CDR2: variants seen among roughly 807,000 people sequenced by gnomAD.
The protein encoded by CDR2 is cerebellar degeneration related protein 2.
In CDR2, 34 loss-of-function variants were observed where a neutral mutation model predicts 48.4. The ratio of observed to expected loss-of-function variants is 0.70; its 90% CI spans 0.53 to 0.94. The LOEUF is 0.94. CDR2 is among the 40% of genes least tolerant of loss of function. CDR2 has a pLI of 0.00. For missense variants in CDR2, 498 were observed against 549.5 expected, an observed-to-expected ratio of 0.91 and a Z score of 0.94; for synonymous variants, 240 against 219.7, an observed-to-expected ratio of 1.09 and a Z score of -0.82.
intron 1 of CDR2, among the ~76,000 whole-genome samples, chr16:22,368,501 G>A (rs1275952725): frequency 6.6e-6 from 1 of 152,170 alleles, no homozygotes; most frequent in Non-Finnish European, 1.5e-5. Context: ...ATGAGCCACT[G>A]CCCCCAGCCT....
chr16:22,373,846 C>T (rs2049096193), intron 1 of CDR2, among the ~76,000 whole-genome samples: 1 of 152,250 alleles, frequency 6.6e-6, no homozygotes, highest in African/African-American at 2.4e-5. Flanking sequence ...AGGCGCTGGG[C>T]TAGACAGCCT....
chr16:22,374,383 G>C lies in CDR2; in HGVS notation c.-74C>G. On this transcript the variant is annotated 5_prime_UTR_variant, in exon 1 of 5. Coordinates refer to ENST00000268383, the MANE Select transcript of CDR2 (RefSeq NM_001802.2). ...AGCCGCTGCCCCGGGCTCTTCCCCG[G>C]CCCCTCCGCCCTCAGCCAGAGCCGC... The C allele has an allele frequency of 1.0e-6, 1 of 997,456 alleles. No homozygotes were observed. The highest frequency in any genetic ancestry group is 1.5e-6 in the Non-Finnish European group (1 of 683,928). The allele number at this position is 997,456 out of a possible 1,614,324, so 61.8% of individuals were successfully genotyped here. A position where few individuals can be genotyped will look rare whatever the true frequency, so the allele number is the denominator to read the frequency against.
intron 2 of CDR2, among the ~76,000 whole-genome samples, chr16:22,355,315 G>C (rs1355736416): frequency 6.6e-6 from 1 of 152,168 alleles, no homozygotes; most frequent in Non-Finnish European, 1.5e-5. Flanking sequence ...CAAGGCAAGT[G>C]CCTCCCTCCT....
intron 2 of CDR2, among the ~76,000 whole-genome samples, chr16:22,351,151 T>C (rs140949869): frequency 0.018 from 2,696 of 152,304 alleles, 33 homozygotes; most frequent in Non-Finnish European, 0.025. Context: ...CTGAGAATGA[T>C]GGTTTCCGGC....
intron 2 of CDR2, among the ~76,000 whole-genome samples, chr16:22,350,732 A>G (rs1205011989): frequency 3.9e-5 from 6 of 152,220 alleles, no homozygotes; most frequent in Non-Finnish European, 8.8e-5. Context: ...CTAATTTTCC[A>G]AAGCATATAC....
intron 2 of CDR2, among the ~76,000 whole-genome samples, chr16:22,357,807 G>T (rs544741001): frequency 1.3e-5 from 2 of 152,252 alleles, no homozygotes; most frequent in African/African-American, 4.8e-5. Context: ...AGAAACTATA[G>T]AAAGTTCCTT....
chr16:22,365,205 A>C (rs1336044005), intron 1 of CDR2, 191 bp from the exon 2 acceptor site: 1 of 523,312 alleles, frequency 1.9e-6, no homozygotes, highest in African/African-American at 1.9e-5. Context: ...GTATTCTCTT[A>C]TGTACCCATA....
chr16:22,346,746 G>A lies in CDR2; in HGVS notation c.*219C>T, dbSNP rs2048907465. ...TAATCAGCGCGCCAGCCAGAGGCCA[G>A]TTTGTCATGGGATTTCCTGGGGAGC... On this transcript the variant is annotated 3_prime_UTR_variant, in exon 5 of 5. Coordinates refer to ENST00000268383, the MANE Select transcript of CDR2 (RefSeq NM_001802.2). The A allele has an allele frequency of 1.7e-6, 1 of 582,772 alleles. No homozygotes were observed. The highest frequency in any genetic ancestry group is 2.9e-5 in the East Asian group (1 of 34,512). The allele number at this position is 582,772 out of a possible 1,614,324, so 36.1% of individuals were successfully genotyped here.
intron 2 of CDR2, among the ~76,000 whole-genome samples, chr16:22,357,158 G>C (rs564687122): frequency 2.4e-3 from 364 of 152,000 alleles, no homozygotes; most frequent in African/African-American, 8.4e-3. Flanking sequence ...AAGTGATTCT[G>C]CTGCCTCAGC....
intron 2 of CDR2, among the ~76,000 whole-genome samples, chr16:22,363,730 G>C (rs1023895481): frequency 6.6e-6 from 1 of 152,044 alleles, no homozygotes; most frequent in Admixed American, 6.6e-5. Context: ...GACCCTTTTT[G>C]GGGGAAGCAT....
At chr16:22,352,707 T>C (rs1264844521) in intron 2 of CDR2, among the ~76,000 whole-genome samples, 2 of 152,234 alleles carry the variant, frequency 1.3e-5, no homozygotes, top group Non-Finnish European at 2.9e-5. Flanking sequence ...TCTTGCTTTA[T>C]AGAGCTTTTT....
At chr16:22,374,189 G>C (rs770250467) in intron 1 of CDR2, 42 bp downstream of exon 1, 2 of 1,381,438 alleles carry the variant, frequency 1.4e-6, no homozygotes, top group Admixed American at 2.0e-5. Context: ...GGGGCCTCCC[G>C]GGCCAGGCCG....
At chr16:22,355,362 G>T (rs1018956076) in intron 2 of CDR2, among the ~76,000 whole-genome samples, 1 of 152,198 alleles carries the variant, frequency 6.6e-6, no homozygotes, top group African/African-American at 2.4e-5. Flanking sequence ...GGGGGATGCA[G>T]TTCTCCTGGC....
intron 1 of CDR2, 164 bp from the exon 2 acceptor site, chr16:22,365,178 C>A: frequency 1.8e-6 from 1 of 568,508 alleles, no homozygotes; most frequent in Non-Finnish European, 3.1e-6. Flanking sequence ...GTTAAACTGA[C>A]GCCTCCAGCA....
intron 2 of CDR2, among the ~76,000 whole-genome samples, chr16:22,354,028 C>A (rs760433946): frequency 3.3e-5 from 5 of 152,182 alleles, no homozygotes. Context: ...TAAGGAGAAG[C>A]TACTGTCATC....
At chr16:22,371,395 C>A (rs915172794) in intron 1 of CDR2, among the ~76,000 whole-genome samples, 1 of 152,142 alleles carries the variant, frequency 6.6e-6, no homozygotes, top group African/African-American at 2.4e-5. Flanking sequence ...TGAGGGCCTA[C>A]AATGTACGAG....
At chr16:22,367,076 T>A (rs1266608316) in intron 1 of CDR2, 1 of 152,246 alleles carries the variant, frequency 6.6e-6, no homozygotes, top group Non-Finnish European at 1.5e-5. Context: ...CATGCTGGAG[T>A]GCAGTGGTGC....
chr16:22,352,797 G>C (rs2048950925), intron 2 of CDR2, among the ~76,000 whole-genome samples: 1 of 152,194 alleles, frequency 6.6e-6, no homozygotes, highest in South Asian at 2.1e-4. Flanking sequence ...TGAGCACATG[G>C]CACGGTCTAT....
At position 22,347,683 on chromosome 16, in the gene CDR2, C is replaced by T. The variant is rs1223347382; in HGVS notation, c.647G>A (p.Arg216Gln). 1.3e-5 allele frequency: 21 copies of T among 1,613,908 alleles called. No individual in the cohort carries two copies. The highest frequency in any genetic ancestry group is 3.3e-5 in the Admixed American group (2 of 59,962). Residue 216 changes from arginine (R) to glutamine (Q), a missense_variant, in exon 5 of 5, where the codon CGG becomes CAG. Physicochemically the swap from Arg to Gln is conservative, Grantham distance 43. Coordinates refer to ENST00000268383, the MANE Select transcript of CDR2 (RefSeq NM_001802.2). ...QAQLSLERQK[R>Q]VTMEEEYGLV... ...CCCATATTCCTCCTCCATAGTCACC[C>T]GCTTCTGCCGCTCCAGGCTCAGCTG...
Sources: allele counts gnomAD v4.1 joint callset (sites outside exome capture counted in the v4.1 genomes callset), GRCh38; gene constraint gnomAD v4.1.1; transcripts MANE v1.5; gene names NCBI Gene and HGNC (gene_info 2026-07-23, HGNC 2026-07-21).